The following CHRM5 variants were observed in gnomAD, a reference collection of about 807,000 sequenced individuals.
The protein encoded by CHRM5 is muscarinic acetylcholine receptor M5.
In CHRM5, 18 loss-of-function variants were observed where a neutral mutation model predicts 39.0. That is an observed-to-expected ratio of 0.46 (90% CI 0.32 to 0.68). The LOEUF (loss-of-function observed/expected upper bound fraction) is 0.68, where lower values mean the gene tolerates loss of function less well. Ranked by LOEUF, CHRM5 falls within the 30% of genes least tolerant of loss-of-function variation. The pLI is 0.04. For synonymous variants in CHRM5, 241 were observed against 246.3 expected, an observed-to-expected ratio of 0.98 and a Z score of 0.20; for missense variants, 515 against 651.1, an observed-to-expected ratio of 0.79 and a Z score of 2.28.
chr15:33,989,852 A>T (rs1254902039), intron 1 of CHRM5, among the ~76,000 whole-genome samples: 2 of 151,010 alleles, frequency 1.3e-5, no homozygotes, highest in African/African-American at 4.9e-5. Flanking sequence ...CTAAAAGATA[A>T]TCATACAAAG....
At chr15:34,001,102 C>G (rs568890096) in intron 1 of CHRM5, among the ~76,000 whole-genome samples, 104 of 149,604 alleles carry the variant, frequency 7.0e-4, no homozygotes, top group Admixed American at 1.5e-3. Flanking sequence ...CTCACTACAA[C>G]CCCCACCTCC....
intron 2 of CHRM5, among the ~76,000 whole-genome samples, chr15:34,050,079 G>T (rs1035172045): frequency 1.3e-5 from 2 of 151,696 alleles, no homozygotes; most frequent in Non-Finnish European, 2.9e-5. Flanking sequence ...GTAGAGATGG[G>T]GTTTCACCTT....
chr15:34,067,225 G>A lies in CHRM5; in HGVS notation c.*2909G>A, dbSNP rs1900535282. 6.6e-6 allele frequency: 1 copy of A among 152,206 alleles called. No homozygotes were observed. 9.4% of individuals were successfully genotyped at this position (152,206 alleles called of 1,614,324 possible). A position where few individuals can be genotyped will look rare whatever the true frequency, so the allele number is the denominator to read the frequency against. On this transcript the variant is annotated 3_prime_UTR_variant, in exon 3 of 3. Transcript: ENST00000383263. ...TCTGTTTTCCATTCAATTTTTGGTT[G>A]AACAAAGCATTTTGTCAATATTCTC...
At chr15:33,998,091 G>GACATCTAC (rs1192926130) in intron 1 of CHRM5, among the ~76,000 whole-genome samples, 1 of 151,974 alleles carries the variant, frequency 6.6e-6, no homozygotes, top group African/African-American at 2.4e-5. Flanking sequence ...AAGCCTCCAT[G>GACATCTAC]ACATCTACCC....
Position 33,969,792 on chromosome 15 carries a change from C to A in CHRM5, c.-408+642C>A, listed in dbSNP as rs117079466. Among the ~76,000 whole-genome samples, 1,239 of 152,148 alleles carry A rather than the reference C, an allele frequency of 8.1e-3. 8 individuals carry two copies. The highest frequency in any genetic ancestry group is 0.014 in the Non-Finnish European group (948 of 67,908). On this transcript the variant is annotated intron_variant, in intron 1 of 2. Coordinates refer to ENST00000383263, the MANE Select transcript of CHRM5 (RefSeq NM_012125.4). ...AAGAGGATAAAAAGATGAAAGATGTCTGGTACCTTAAAACCTCAAAAGCTT... is the reference window on the plus strand; with the variant it reads ...AAGAGGATAAAAAGATGAAAGATGTATGGTACCTTAAAACCTCAAAAGCTT...
At chr15:34,036,889 C>A (rs555625253) in intron 1 of CHRM5, among the ~76,000 whole-genome samples, 1 of 152,272 alleles carries the variant, frequency 6.6e-6, no homozygotes, top group South Asian at 2.1e-4. Context: ...GCGGGTGGAT[C>A]ACCTGAGGTC....
chr15:34,032,704 G>T (rs555341056), intron 1 of CHRM5, among the ~76,000 whole-genome samples: 1 of 151,826 alleles, frequency 6.6e-6, no homozygotes, highest in African/African-American at 2.4e-5. Context: ...CAAGATCCAC[G>T]GTCTTTCCCA....
At chr15:33,983,144 G>A (rs979809368) in intron 1 of CHRM5, among the ~76,000 whole-genome samples, 5 of 118,184 alleles carry the variant, frequency 4.2e-5, no homozygotes, top group African/African-American at 2.3e-4. Flanking sequence ...GTGTGTGTGT[G>A]TGTGTGTGTG....
intron 1 of CHRM5, among the ~76,000 whole-genome samples, chr15:34,021,210 G>C (rs1898185663): frequency 6.6e-6 from 1 of 151,636 alleles, no homozygotes. Flanking sequence ...TTTGGAGATG[G>C]AGTTTTGCTC....
intron 2 of CHRM5, among the ~76,000 whole-genome samples, chr15:34,050,851 C>G (rs1011688517): frequency 1.3e-5 from 2 of 152,160 alleles, no homozygotes. Context: ...ATTCATAAAA[C>G]AAGTTCTTAG....
chr15:34,058,739 A>G (rs927436097), intron 2 of CHRM5, among the ~76,000 whole-genome samples: 1 of 152,192 alleles, frequency 6.6e-6, no homozygotes, highest in Admixed American at 6.6e-5. Context: ...TCATCAGAAC[A>G]TTTATTTCAC....
intron 1 of CHRM5, among the ~76,000 whole-genome samples, chr15:34,033,527 A>G (rs1178121519): frequency 6.6e-6 from 1 of 152,166 alleles, no homozygotes; most frequent in African/African-American, 2.4e-5. Flanking sequence ...AAAAATTGCA[A>G]ATCAAAATAA....
rs1900477139 is a variant in CHRM5, at chr15:34,065,143, T to G, written c.*827T>G. ...AAATTTTTTCTTTTATCTAAACAGA[T>G]ATTGTGCATTCTATTTTGTGCCCAT... is the stretch of plus-strand genomic sequence containing the variant. On this transcript the variant is annotated 3_prime_UTR_variant, in exon 3 of 3. Coordinates refer to ENST00000383263, the MANE Select transcript of CHRM5 (RefSeq NM_012125.4). The G allele has an allele frequency of 6.3e-6, 1 of 159,506 alleles. No homozygotes were observed. Among genetic ancestry groups the G allele is most frequent in the South Asian group, 2.1e-4 (1 of 4,836 alleles). 9.9% of individuals were successfully genotyped at this position (159,506 alleles called of 1,614,324 possible). A position where few individuals can be genotyped will look rare whatever the true frequency, so the allele number is the denominator to read the frequency against.
At chr15:33,990,737 T>C (rs886922300) in intron 1 of CHRM5, 1 of 152,204 alleles carries the variant, frequency 6.6e-6, no homozygotes, top group African/African-American at 2.4e-5. Context: ...GACCGAAACC[T>C]ACCACCATCA....
rs1410624797 is a variant in CHRM5, at chr15:34,039,021, C to T, written c.-407-7519C>T. 13 of 1,122,720 alleles carry T rather than the reference C, an allele frequency of 1.2e-5. No homozygotes were observed. Among genetic ancestry groups the T allele is most frequent in the Non-Finnish European group, 1.4e-5 (13 of 920,006 alleles). 69.5% of individuals were successfully genotyped at this position (1,122,720 alleles called of 1,614,324 possible). A position where few individuals can be genotyped will look rare whatever the true frequency, so the allele number is the denominator to read the frequency against. On this transcript the variant is annotated intron_variant, in intron 1 of 2. Transcript: ENST00000383263. ...GCGGCCTGGCCGCCGCCCACGGCCT[C>T]CCCGAGCTCCTCGCTCCGCCTGCAT...
chr15:34,056,976 T>C (rs1900176939), intron 2 of CHRM5, among the ~76,000 whole-genome samples: 1 of 151,944 alleles, frequency 6.6e-6, no homozygotes, highest in Admixed American at 6.6e-5. Flanking sequence ...GAGGTTGAGG[T>C]TGCAGTGAAC....
intron 1 of CHRM5, among the ~76,000 whole-genome samples, chr15:33,979,168 G>A (rs1009196060): frequency 2.0e-5 from 3 of 152,066 alleles, no homozygotes; most frequent in Non-Finnish European, 4.4e-5. Flanking sequence ...GAGTCACCTC[G>A]TAAACCCCTC....
chr15:34,032,017 G>GCACATGCA lies in CHRM5; in HGVS notation c.-407-14519_-407-14518insTGCACACA, dbSNP rs1444195258. Among the ~76,000 whole-genome samples, 7 of 84,966 alleles carry GCACATGCA rather than the reference G, an allele frequency of 8.2e-5. No homozygotes were observed. In the East Asian group the frequency reaches 2.3e-3, roughly 28 times the overall value. 55.7% of individuals were successfully genotyped at this position (84,966 alleles called of 152,430 possible). ...GGCACCTCAACACACACATACGCGC[G>GCACATGCA]CACACGCACACACACACACACACAG... is the stretch of plus-strand genomic sequence containing the variant. On this transcript the variant is annotated intron_variant, in intron 1 of 2. Coordinates refer to ENST00000383263, the MANE Select transcript of CHRM5 (RefSeq NM_012125.4).
At chr15:33,971,573 T>A (rs1311056667) in intron 1 of CHRM5, among the ~76,000 whole-genome samples, 1 of 152,098 alleles carries the variant, frequency 6.6e-6, no homozygotes, top group Admixed American at 6.6e-5. Flanking sequence ...CATAATTTTG[T>A]ATATAAAATT....
Sources: gnomAD v4.1 joint callset for allele counts (sites outside exome capture counted in the v4.1 genomes callset) on GRCh38, gnomAD v4.1.1 for gene constraint, MANE v1.5 for transcripts, NCBI Gene and HGNC (gene_info 2026-07-23, HGNC 2026-07-21) for gene names.